Variants in UNC13C observed in about 807,000 individuals in gnomAD.
UNC13C encodes the protein unc-13 homolog C.
A neutral mutation model predicts 245.4 loss-of-function variants in UNC13C; 174 were observed. That is an observed-to-expected ratio of 0.71 (90% CI 0.63 to 0.80). The LOEUF (loss-of-function observed/expected upper bound fraction) is 0.80, where lower values mean the gene tolerates loss of function less well. Among genes scored for constraint, UNC13C ranks in the 30% least tolerant of loss-of-function variants. The pLI is 0.00. For missense variants in UNC13C, 2,829 were observed against 2,602.9 expected (o/e 1.09, Z -1.89); for synonymous variants, 992 against 895.1 (o/e 1.11, Z -1.93).
chr15:54,626,422 G>C (rs551353277), intron 32 of UNC13C, among the ~76,000 whole-genome samples: 1 of 97,154 alleles, frequency 1.0e-5, no homozygotes, highest in East Asian at 3.7e-4. Flanking sequence ...TGGAGGTAAA[G>C]TGCGAGGAGT....
chr15:54,358,520 G>A (rs551702647), intron 17 of UNC13C, among the ~76,000 whole-genome samples: 1 of 151,912 alleles, frequency 6.6e-6, no homozygotes, highest in Non-Finnish European at 1.5e-5. Flanking sequence ...ATAGTTTTCA[G>A]TATAGAGATC....
intron 2 of UNC13C, among the ~76,000 whole-genome samples, chr15:54,137,076 C>T (rs774986909): frequency 5.3e-4 from 80 of 152,052 alleles, no homozygotes; most frequent in Admixed American, 1.4e-3. Flanking sequence ...ACTCCTGGGC[C>T]GTAGTGATCT....
At chr15:53,908,622 A>T in the UNC13C span, among the ~76,000 whole-genome samples, 1 of 144,420 alleles carries the variant, frequency 6.9e-6, no homozygotes, top group Non-Finnish European at 1.5e-5. Context: ...AGGCATGGTG[A>T]TGTGCACCTG....
chr15:54,412,542 C>A lies in UNC13C; in HGVS notation c.4848-2440C>A, dbSNP rs541476015. On this transcript the variant is annotated intron_variant, in intron 18 of 32. Transcript: ENST00000260323. The stretch of plus-strand genomic sequence containing the variant: ...ATTTGGGTGGGAACACGGAGCAAAA[C>A]CATATCAGATGCTATTATAAATGAT... 5.9e-5 allele frequency among the ~76,000 whole-genome samples: 9 copies of A among 152,298 alleles called. No individual in the cohort carries two copies. The East Asian group carries it at 1.5e-3, about 26-fold the overall frequency.
In UNC13C at chr15:54,186,836, A is replaced by ATATATATATATATATATATATATAT. The variant is rs1567079825; in HGVS notation, c.3071+43152_3071+43153insTATATATATATATATATATATATAT. 5.5e-4 allele frequency among the ~76,000 whole-genome samples: 70 copies of ATATATATATATATATATATATATAT among 126,146 alleles called. 3 individuals carry two copies. Among genetic ancestry groups the ATATATATATATATATATATATATAT allele is most frequent in the Non-Finnish European group, 9.7e-4 (58 of 59,594 alleles). The allele number at this position is 126,146 out of a possible 152,430, so 82.8% of individuals were successfully genotyped here. On this transcript the variant is annotated intron_variant, in intron 4 of 32. Coordinates refer to ENST00000260323, the MANE Select transcript of UNC13C (RefSeq NM_001080534.3). ...GTCCACTGACACATACAAAGAACAT[A>ATATATATATATATATATATATATAT]ATATATATGTATATATATATTTTGT...
intron 11 of UNC13C, among the ~76,000 whole-genome samples, chr15:54,296,550 A>C (rs570493755): frequency 1.8e-4 from 28 of 151,766 alleles, no homozygotes; most frequent in African/African-American, 6.8e-4. Context: ...TTGAGAATCA[A>C]CTCCCTCTCA....
chr15:54,578,656 C>T (rs1042208817), intron 30 of UNC13C, among the ~76,000 whole-genome samples: 1 of 152,226 alleles, frequency 6.6e-6, no homozygotes, highest in Non-Finnish European at 1.5e-5. Flanking sequence ...TAAGCACCTT[C>T]ATGTATTTTC....
Position 54,507,158 on chromosome 15 carries a change from A to C in UNC13C, c.5343A>C (p.Ser1781=). The change falls in exon 23 of 33, where the codon TCA becomes TCC. Residue 1781 remains serine (S), a synonymous_variant. Transcript: ENST00000260323. The part of the protein sequence containing the change: ...KVLLQYAAIV[S]SDFSSHCDKE... Reference sequence around the variant, plus strand: ...TGCTCCAGTATGCTGCAATTGTATCAAGTGATTTCAGTTCACATTGTGATA... The same window carrying C: ...TGCTCCAGTATGCTGCAATTGTATCCAGTGATTTCAGTTCACATTGTGATA... 6.3e-7 allele frequency: 1 copy of C among 1,599,298 alleles called. No homozygotes were observed. Among genetic ancestry groups the C allele is most frequent in the Non-Finnish European group, 8.5e-7 (1 of 1,171,874 alleles).
At chr15:53,939,315 C>G in the UNC13C span, among the ~76,000 whole-genome samples, 50,294 of 151,900 alleles carry the variant, frequency 0.33, 8,357 homozygotes, top group African/African-American at 0.34. Flanking sequence ...GAATAGACCA[C>G]TAATGAGTTC....
At chr15:54,064,387 A>G (rs1897979672) in intron 2 of UNC13C, among the ~76,000 whole-genome samples, 1 of 152,146 alleles carries the variant, frequency 6.6e-6, no homozygotes, top group South Asian at 2.1e-4. Context: ...TCTCTAGCTC[A>G]CTTAAGGTCT....
intron 30 of UNC13C, among the ~76,000 whole-genome samples, chr15:54,612,202 C>T (rs1037438883): frequency 3.3e-5 from 5 of 151,982 alleles, no homozygotes; most frequent in South Asian, 2.1e-4. Context: ...ATAGTGGACT[C>T]GAGTAGTTAT....
At chr15:53,899,011 G>GGA in the UNC13C span, among the ~76,000 whole-genome samples, 2 of 151,004 alleles carry the variant, frequency 1.3e-5, no homozygotes, top group Admixed American at 1.3e-4. Context: ...AGGGTTTTGT[G>GGA]CTTATCTCTA....
chr15:54,146,425 GA>G (rs1482548803), intron 4 of UNC13C, among the ~76,000 whole-genome samples: 1 of 152,108 alleles, frequency 6.6e-6, no homozygotes, highest in Non-Finnish European at 1.5e-5. Context: ...TATATACACT[GA>G]AACCAGATAA....
At chr15:54,426,040 C>T (rs2040752487) in intron 19 of UNC13C, among the ~76,000 whole-genome samples, 1 of 151,698 alleles carries the variant, frequency 6.6e-6, no homozygotes, top group Non-Finnish European at 1.5e-5. Flanking sequence ...AATGACTCTC[C>T]TGCCTCCCTC....
intron 2 of UNC13C, among the ~76,000 whole-genome samples, chr15:54,124,498 T>C (rs2030898686): frequency 6.6e-6 from 1 of 152,220 alleles, no homozygotes; most frequent in Non-Finnish European, 1.5e-5. Flanking sequence ...TTCTGTTGAA[T>C]TTTGAGAGAA....
At chr15:53,891,537 G>A in the UNC13C span, among the ~76,000 whole-genome samples, 17 of 152,108 alleles carry the variant, frequency 1.1e-4, no homozygotes, top group Admixed American at 1.0e-3. Flanking sequence ...ATGAATGTGG[G>A]TGCTCCTGTA....
At chr15:54,069,735 G>A (rs780558934) in intron 2 of UNC13C, among the ~76,000 whole-genome samples, 15 of 152,308 alleles carry the variant, frequency 9.8e-5, no homozygotes, top group East Asian at 7.7e-4. Flanking sequence ...ACACTGTAAC[G>A]TTAGATAACG....
At chr15:54,054,287 C>G (rs1054112554) in intron 2 of UNC13C, among the ~76,000 whole-genome samples, 2 of 152,130 alleles carry the variant, frequency 1.3e-5, no homozygotes, top group African/African-American at 4.8e-5. Flanking sequence ...ATAGATGGTT[C>G]TGTATTAGTA....
the UNC13C span, among the ~76,000 whole-genome samples, chr15:53,847,185 CA>C: frequency 6.6e-6 from 1 of 152,144 alleles, no homozygotes; most frequent in Admixed American, 6.5e-5. Context: ...TAACTTTCTA[CA>C]AACAAAGTTA....
Sources: gnomAD v4.1 joint callset for allele counts (sites outside exome capture counted in the v4.1 genomes callset) on GRCh38, gnomAD v4.1.1 for gene constraint, MANE v1.5 for transcripts, NCBI Gene and HGNC (gene_info 2026-07-23, HGNC 2026-07-21) for gene names.